TOX2: variants seen among roughly 807,000 people sequenced by gnomAD.
The protein encoded by TOX2 is TOX high mobility group box family member 2, also known as granulosa cell HMG box 1.
TOX2 carries 15 observed loss-of-function variants against 47.4 expected under a neutral mutation model. The ratio of observed to expected loss-of-function variants is 0.32; its 90% CI spans 0.21 to 0.49. The LOEUF is 0.49. Among genes scored for constraint, TOX2 ranks in the 20% least tolerant of loss-of-function variants. TOX2 has a pLI of 0.99. For missense variants in TOX2, 622 were observed against 673.1 expected (o/e 0.92, Z 0.84); for synonymous variants, 290 against 296.6 (o/e 0.98, Z 0.23).
intron 1 of TOX2, among the ~76,000 whole-genome samples, chr20:43,929,153 G>A (rs981796957): frequency 5.9e-5 from 9 of 151,950 alleles, no homozygotes; most frequent in Non-Finnish European, 1.2e-4. Flanking sequence ...GTGAGACCCT[G>A]TCTCAAAAAC....
rs943196408 is a variant in TOX2 at position 43,958,891 on chromosome 20, C to T, written c.100-14476C>T. 1.5e-4 allele frequency among the ~76,000 whole-genome samples: 23 copies of T among 152,214 alleles called. 1 individual carries two copies. Among genetic ancestry groups the T allele is most frequent in the African/African-American group, 4.6e-4 (19 of 41,444 alleles). On this transcript the variant is annotated intron_variant, in intron 1 of 8. Transcript: ENST00000341197. ...TAAAGCCCTCCCAGCCCTGAGGCCT[C>T]ATTATTTATCTTAGTGGGTCCACAG...
Position 44,022,792 on chromosome 20 carries a change from G to C in TOX2, c.411+16000G>C, listed in dbSNP as rs1166011835. Among the ~76,000 whole-genome samples, 8 of 152,264 alleles carry C rather than the reference G, an allele frequency of 5.3e-5. No individual in the cohort carries two copies. The East Asian group carries it at 1.2e-3, about 22-fold the overall frequency. ...CAAAGCTCCTCCATGGGCAGGACCTGCCTTCGTTAGAAATTAGCTTAGTGA... is the reference window on the plus strand; with the variant it reads ...CAAAGCTCCTCCATGGGCAGGACCTCCCTTCGTTAGAAATTAGCTTAGTGA... On this transcript the variant is annotated intron_variant, in intron 3 of 8. Transcript: ENST00000341197.
At position 44,069,197 on chromosome 20, in the gene TOX2, C is replaced by A; in HGVS notation, c.*511C>A. 3.8e-6 allele frequency: 1 copy of A among 264,180 alleles called. No individual in the cohort carries two copies. The highest frequency in any genetic ancestry group is 4.9e-5 in the Admixed American group (1 of 20,296). The allele number at this position is 264,180 out of a possible 1,614,324, so 16.4% of individuals were successfully genotyped here. ...TGTTTTAGAACTGTGCTGAAGACAT[C>A]TGTAAGACTATTTTGTGGGGGAAAA... On this transcript the variant is annotated 3_prime_UTR_variant, in exon 9 of 9. Coordinates refer to ENST00000341197, the MANE Select transcript of TOX2 (RefSeq NM_001098797.2).
rs189788213 is a variant in TOX2, at chr20:44,068,865, G to A, written c.*179G>A. The A allele has an allele frequency of 7.4e-5, 62 of 833,140 alleles. No homozygotes were observed. In the African/African-American group the frequency reaches 9.4e-4, roughly 13 times the overall value. 51.6% of individuals were successfully genotyped at this position (833,140 alleles called of 1,614,324 possible). On this transcript the variant is annotated 3_prime_UTR_variant, in exon 9 of 9. Transcript: ENST00000341197. ...CCTCCCACCAGACTCTGCAGAGGCAGCCCACTGCCCACCACCAGCCCAAAG... is the reference window on the plus strand; with the variant it reads ...CCTCCCACCAGACTCTGCAGAGGCAACCCACTGCCCACCACCAGCCCAAAG...
chr20:43,946,521 C>G (rs2069474049), intron 1 of TOX2, among the ~76,000 whole-genome samples: 1 of 152,188 alleles, frequency 6.6e-6, no homozygotes, highest in South Asian at 2.1e-4. Flanking sequence ...AATACCCGAG[C>G]TGCCTCTTCC....
chr20:43,935,936 A>G (rs1200256127), intron 1 of TOX2, among the ~76,000 whole-genome samples: 1 of 151,312 alleles, frequency 6.6e-6, no homozygotes, highest in African/African-American at 2.4e-5. Flanking sequence ...CCAAAAAAAA[A>G]AAAAAAAAAA....
At chr20:44,027,031 C>T (rs748649472) in intron 3 of TOX2, among the ~76,000 whole-genome samples, 8 of 152,164 alleles carry the variant, frequency 5.3e-5, no homozygotes, top group East Asian at 3.9e-4. Context: ...AAATATTGAG[C>T]GGCGAGGCAG....
intron 2 of TOX2, among the ~76,000 whole-genome samples, chr20:44,003,137 G>T (rs1238739440): frequency 1.3e-5 from 2 of 151,274 alleles, no homozygotes; most frequent in Non-Finnish European, 2.9e-5. Flanking sequence ...GGTTGAGTGA[G>T]ATGCATGTTT....
intron 1 of TOX2, among the ~76,000 whole-genome samples, chr20:43,957,830 T>A (rs13038513): frequency 0.18 from 27,604 of 151,894 alleles, 3,205 homozygotes; most frequent in Admixed American, 0.3. Context: ...GGTGAAAGGG[T>A]GGCAGGTACA....
chr20:44,026,252 C>CATATATATAT (rs1250784789), intron 3 of TOX2, among the ~76,000 whole-genome samples: 1 of 81,916 alleles, frequency 1.2e-5, no homozygotes, highest in East Asian at 3.9e-4. Context: ...TATATATAGA[C>CATATATATAT]ACACACACAC....
chr20:44,026,248 T>TATATATATATATATATATACAC (rs750976068), intron 3 of TOX2, among the ~76,000 whole-genome samples: 1 of 67,726 alleles, frequency 1.5e-5, no homozygotes, highest in Non-Finnish European at 3.1e-5. Flanking sequence ...TATATATATA[T>TATATATATATATATATATACAC]AGACACACAC....
intron 2 of TOX2, among the ~76,000 whole-genome samples, chr20:43,976,499 C>G (rs1024502344): frequency 6.6e-6 from 1 of 152,186 alleles, no homozygotes; most frequent in Non-Finnish European, 1.5e-5. Context: ...CAAAGCCAGT[C>G]ACAGGACCAG....
intron 5 of TOX2, among the ~76,000 whole-genome samples, chr20:44,059,853 A>C (rs1291550866): frequency 1.3e-5 from 2 of 152,174 alleles, no homozygotes; most frequent in Non-Finnish European, 2.9e-5. Flanking sequence ...TTTTTTAAAA[A>C]CCACAAGGTA....
At chr20:44,026,783 T>G (rs969546264) in intron 3 of TOX2, among the ~76,000 whole-genome samples, 1 of 152,160 alleles carries the variant, frequency 6.6e-6, no homozygotes, top group South Asian at 2.1e-4. Flanking sequence ...TCAGGTCCAC[T>G]GTGTGACCTC....
intron 3 of TOX2, chr20:44,039,263 G>T: frequency 1.6e-6 from 2 of 1,289,464 alleles, no homozygotes; most frequent in African/African-American, 1.5e-5. Context: ...CAGAGGGCAG[G>T]TGTCCAGTCT....
At chr20:43,975,693 T>A (rs2070064265) in intron 2 of TOX2, among the ~76,000 whole-genome samples, 1 of 152,184 alleles carries the variant, frequency 6.6e-6, no homozygotes, top group Non-Finnish European at 1.5e-5. Context: ...CAGGTCTTTT[T>A]AATTCATAGT....
intron 1 of TOX2, among the ~76,000 whole-genome samples, chr20:43,944,184 C>G (rs928989909): frequency 6.6e-6 from 1 of 152,212 alleles, no homozygotes; most frequent in Non-Finnish European, 1.5e-5. Flanking sequence ...TGAGCACGCA[C>G]TGTGTGTCAG....
At chr20:44,003,281 G>T (rs1315356723) in intron 2 of TOX2, among the ~76,000 whole-genome samples, 1 of 151,834 alleles carries the variant, frequency 6.6e-6, no homozygotes, top group Non-Finnish European at 1.5e-5. Context: ...TGACATCCTG[G>T]GCTCAAATGA....
rs775691925 is a variant in TOX2 at position 44,054,536 on chromosome 20, CCTCT to C, written c.879+13_879+16del. 4 of 1,611,672 alleles carry C rather than the reference CCTCT, an allele frequency of 2.5e-6. No individual in the cohort carries two copies. The highest frequency in any genetic ancestry group is 2.2e-5 in the South Asian group (2 of 90,742). ...AGAGGAACAGAAGCAGGTGAGCCTC[CCTCT>C]CTTTCTGGGCCATCCCCTGAGGCTT... On this transcript the variant is annotated intron_variant, in intron 5 of 8. Coordinates refer to ENST00000341197, the MANE Select transcript of TOX2 (RefSeq NM_001098797.2).
Sources: gnomAD v4.1 joint callset for allele counts (sites outside exome capture counted in the v4.1 genomes callset) on GRCh38, gnomAD v4.1.1 for gene constraint, MANE v1.5 for transcripts, NCBI Gene and HGNC (gene_info 2026-07-23, HGNC 2026-07-21) for gene names.